Variants in TPRG1 observed in about 807,000 individuals in gnomAD.
The protein encoded by TPRG1 is tumor protein p63 regulated 1.
TPRG1 carries 29 observed loss-of-function variants against 29.3 expected under a neutral mutation model. The observed-to-expected ratio is 0.99, with a 90% CI of 0.74 to 1.35. TPRG1 has a LOEUF of 1.35. Among genes scored for constraint, TPRG1 ranks in the 40% most tolerant of loss-of-function variants. The pLI, the probability that TPRG1 is intolerant of heterozygous loss-of-function variation, is 0.00. For missense variants in TPRG1, 327 were observed against 335.0 expected (o/e 0.98, Z 0.19); for synonymous variants, 130 against 116.8 (o/e 1.11, Z -0.73).
intron 3 of TPRG1, among the ~76,000 whole-genome samples, chr3:189,142,039 G>A (rs1424586089): frequency 6.6e-6 from 1 of 152,156 alleles, no homozygotes; most frequent in Non-Finnish European, 1.5e-5. Flanking sequence ...TGAGGAACTG[G>A]GGGAAACAGG....
intron 4 of TPRG1, among the ~76,000 whole-genome samples, chr3:189,050,955 T>C (rs1049295849): frequency 1.3e-5 from 2 of 152,194 alleles, no homozygotes; most frequent in Non-Finnish European, 2.9e-5. Flanking sequence ...AAGCCATCTA[T>C]GACAAACCCA....
At position 189,125,100 on chromosome 3, in the gene TPRG1, C is replaced by A. The variant is rs911491652; in HGVS notation, c.-743-1957C>A. On this transcript the variant is annotated intron_variant, in intron 1 of 6. Coordinates refer to the TPRG1 transcript ENST00000412373. ...ATTGGATGATTTATTTAATTAATTT[C>A]TAGGCAACTACATAAAAAAGTCTGC... Among the ~76,000 whole-genome samples, 5 of 152,222 alleles carry A rather than the reference C, an allele frequency of 3.3e-5. No homozygotes were observed. The East Asian group carries it at 7.7e-4, about 23-fold the overall frequency.
At chr3:189,173,642 T>A (rs1034123362) in intron 1 of TPRG1, among the ~76,000 whole-genome samples, 3 of 152,068 alleles carry the variant, frequency 2.0e-5, no homozygotes, top group Non-Finnish European at 4.4e-5. Context: ...ACAGAGAAAC[T>A]GAGGCCCAGA....
intron 4 of TPRG1, among the ~76,000 whole-genome samples, chr3:189,025,345 G>T (rs1358216951): frequency 1.3e-5 from 2 of 152,100 alleles, no homozygotes; most frequent in African/African-American, 4.8e-5. Context: ...TTGGCTCCGT[G>T]TTGCTCCTGG....
chr3:189,007,397 A>G (rs1318627068), intron 3 of TPRG1, among the ~76,000 whole-genome samples: 1 of 152,000 alleles, frequency 6.6e-6, no homozygotes, highest in Non-Finnish European at 1.5e-5. Flanking sequence ...TCAGGAAACA[A>G]CAGGTGCTGG....
At chr3:189,095,825 A>G (rs567868305), upstream of TPRG1, among the ~76,000 whole-genome samples, 1 of 152,314 alleles carries the variant, frequency 6.6e-6, no homozygotes, top group Admixed American at 6.5e-5. Flanking sequence ...ATTCTTCAGT[A>G]TCCTTCTCAG....
chr3:189,312,429 G>T (rs1307160248), intron 5 of TPRG1, among the ~76,000 whole-genome samples: 1 of 149,148 alleles, frequency 6.7e-6, no homozygotes, highest in East Asian at 2.0e-4. Context: ...AAGGACATCT[G>T]GTTCCGACCA....
At chr3:189,149,388 C>T (rs143485900) in intron 4 of TPRG1, among the ~76,000 whole-genome samples, 68 of 152,244 alleles carry the variant, frequency 4.5e-4, no homozygotes, top group Middle Eastern at 3.4e-3. Context: ...GCTTTCATTC[C>T]AAGAACAGCA....
chr3:189,142,406 G>A (rs1293259942), intron 3 of TPRG1, among the ~76,000 whole-genome samples: 3 of 152,094 alleles, frequency 2.0e-5, no homozygotes, highest in Non-Finnish European at 2.9e-5. Flanking sequence ...AGTAAGGAGA[G>A]GGTAGAGGCA....
intron 4 of TPRG1, among the ~76,000 whole-genome samples, chr3:189,245,271 T>A (rs1005602990): frequency 6.6e-6 from 1 of 152,176 alleles, no homozygotes; most frequent in African/African-American, 2.4e-5. Context: ...TTGGGTTTAC[T>A]TTTTCTTTTT....
At chr3:189,219,831 G>A in intron 3 of TPRG1, 3 of 884,492 alleles carry the variant, frequency 3.4e-6, no homozygotes, top group Non-Finnish European at 4.1e-6. Flanking sequence ...GGTAATTCTT[G>A]TTCTTCATCT....
chr3:189,185,206 G>T (rs758654306), intron 1 of TPRG1, among the ~76,000 whole-genome samples: 11 of 151,918 alleles, frequency 7.2e-5, no homozygotes, highest in Admixed American at 1.3e-4. Context: ...ACCTTTGAAG[G>T]TGCCAGCTTG....
At chr3:189,290,714 G>C (rs1435304952) in intron 4 of TPRG1, among the ~76,000 whole-genome samples, 1 of 152,150 alleles carries the variant, frequency 6.6e-6, no homozygotes, top group African/African-American at 2.4e-5. Context: ...TTTAGGAGAG[G>C]CCATTTTGAA....
chr3:189,069,915 T>C (rs1048714291), intron 4 of TPRG1, among the ~76,000 whole-genome samples: 4 of 151,946 alleles, frequency 2.6e-5, no homozygotes, highest in Admixed American at 2.0e-4. Flanking sequence ...CTGTCTCCAC[T>C]AAAAACACAA....
At chr3:189,019,330 C>A (rs1253008706) in intron 3 of TPRG1, among the ~76,000 whole-genome samples, 3 of 152,090 alleles carry the variant, frequency 2.0e-5, no homozygotes, top group Non-Finnish European at 4.4e-5. Flanking sequence ...GGGAATGCTT[C>A]CAGTTTTTGC....
At chr3:189,182,006 C>T (rs1277079758) in intron 1 of TPRG1, among the ~76,000 whole-genome samples, 1 of 152,152 alleles carries the variant, frequency 6.6e-6, no homozygotes, top group Non-Finnish European at 1.5e-5. Context: ...GGCAGGGTAA[C>T]TCCTCTTTTT....
At chr3:189,058,371 C>G (rs1000644285) in intron 4 of TPRG1, among the ~76,000 whole-genome samples, 1 of 152,170 alleles carries the variant, frequency 6.6e-6, no homozygotes, top group African/African-American at 2.4e-5. Flanking sequence ...CGTCGGTACA[C>G]AGAAAGTCTC....
At chr3:189,294,840 G>A (rs1296805425) in intron 4 of TPRG1, among the ~76,000 whole-genome samples, 1 of 147,198 alleles carries the variant, frequency 6.8e-6, no homozygotes, top group East Asian at 2.1e-4. Context: ...CGCGCAAGCA[G>A]GAAGAAACTG....
At chr3:189,240,321 C>T (rs112350406) in intron 4 of TPRG1, 8 of 152,162 alleles carry the variant, frequency 5.3e-5, no homozygotes, top group South Asian at 4.1e-4. Flanking sequence ...ACCAGACCCT[C>T]GGTTCTTCAG....
Sources: allele counts gnomAD v4.1 joint callset (sites outside exome capture counted in the v4.1 genomes callset), GRCh38; gene constraint gnomAD v4.1.1; transcripts MANE v1.5; gene names NCBI Gene and HGNC (gene_info 2026-07-23, HGNC 2026-07-21).